The following UBXN7 variants were observed in gnomAD, a reference collection of about 807,000 sequenced individuals.
UBXN7 encodes the protein UBX domain protein 7.
A neutral mutation model predicts 58.0 loss-of-function variants in UBXN7; 9 were observed. The ratio of observed to expected loss-of-function variants is 0.16; its 90% confidence interval spans 0.09 to 0.27. The LOEUF is 0.27. UBXN7 is among the 10% of genes least tolerant of loss of function. The probability of loss-of-function intolerance (pLI) is 1.00; values close to 1 mark genes in which losing one functional copy is unlikely to be tolerated. For synonymous variants in UBXN7, 208 were observed against 205.0 expected (o/e 1.01, Z -0.12); for missense variants, 328 against 599.6 (o/e 0.55, Z 4.73).
intron 5 of UBXN7, among the ~76,000 whole-genome samples, chr3:196,388,883 T>C (rs1356939239): frequency 6.6e-6 from 1 of 152,158 alleles, no homozygotes; most frequent in African/African-American, 2.4e-5. Context: ...AATATTTATT[T>C]CATTTAAAGT....
rs557662029 is a variant in UBXN7, at chr3:196,417,125, A to G, written c.74-9732T>C. 3.2e-3 allele frequency among the ~76,000 whole-genome samples: 493 copies of G among 152,260 alleles called. 2 individuals carry two copies. Among genetic ancestry groups the G allele is most frequent in the African/African-American group, 0.011 (476 of 41,566 alleles). On this transcript the variant is annotated intron_variant, in intron 1 of 10. Transcript: ENST00000296328. Reference sequence around the variant, plus strand: ...TCAGGAGATCGAGACCATCCTGGCTAACACGGTGAAACCCCGTCTCTACTA... The same window carrying G: ...TCAGGAGATCGAGACCATCCTGGCTGACACGGTGAAACCCCGTCTCTACTA...
intron 6 of UBXN7, among the ~76,000 whole-genome samples, chr3:196,370,377 T>TAGGG (rs1321247246): frequency 6.7e-6 from 1 of 150,190 alleles, no homozygotes; most frequent in Admixed American, 6.7e-5. Flanking sequence ...CTTGAGCCTA[T>TAGGG]AGGGGTTAGA....
intron 1 of UBXN7, 138 bp downstream of exon 1, chr3:196,432,189 G>T: frequency 8.1e-7 from 1 of 1,234,586 alleles, no homozygotes; most frequent in Non-Finnish European, 1.2e-6. Flanking sequence ...CGCCGTCGTC[G>T]CCTCTTCCTC....
At chr3:196,373,116 T>C (rs1022825690) in intron 5 of UBXN7, among the ~76,000 whole-genome samples, 9 of 152,340 alleles carry the variant, frequency 5.9e-5, no homozygotes, top group African/African-American at 2.2e-4. Context: ...TCAACATCAT[T>C]TCTGGAACAT....
chr3:196,417,126 ACAC>A (rs1416981633), intron 1 of UBXN7, among the ~76,000 whole-genome samples: 1 of 152,140 alleles, frequency 6.6e-6, no homozygotes, highest in Non-Finnish European at 1.5e-5. Context: ...ATCCTGGCTA[ACAC>A]GGTGAAACCC....
intron 8 of UBXN7, among the ~76,000 whole-genome samples, chr3:196,366,460 G>GC (rs1728668631): frequency 1.4e-5 from 2 of 145,984 alleles, no homozygotes; most frequent in African/African-American, 5.0e-5. Flanking sequence ...AGGCTAGCAA[G>GC]TTTTTTTTTT....
intron 1 of UBXN7, among the ~76,000 whole-genome samples, chr3:196,417,684 C>T (rs1262744421): frequency 8.1e-6 from 1 of 123,762 alleles, no homozygotes; most frequent in Non-Finnish European, 1.6e-5. Context: ...AGACGGACTG[C>T]TTGAGCTCAC....
intron 5 of UBXN7, among the ~76,000 whole-genome samples, chr3:196,376,724 TAAAATGTGGG>T (rs1729039356): frequency 6.6e-6 from 1 of 152,018 alleles, no homozygotes; most frequent in Non-Finnish European, 1.5e-5. Flanking sequence ...GATACCAATT[TAAAATGTGGG>T]TTTTTTTTCC....
In UBXN7 at chr3:196,371,995, A is replaced by C. The variant is rs1342960687; in HGVS notation, c.516T>G (p.Ile172Met). Residue 172 changes from isoleucine (I) to methionine (M), a missense_variant, in exon 6 of 11, where the codon ATT becomes ATG. Physicochemically the swap from Ile to Met is conservative, Grantham distance 10. Around this residue, in one of 4 missense-constraint regions of UBXN7, gnomAD observed 126 missense variants for 302.6 expected, o/e 0.42. Transcript: ENST00000296328. ...QMQNKWLMINIQNVQDFACQC... is the reference protein window; with the variant it reads ...QMQNKWLMINMQNVQDFACQC... ...GACATGCAAAGTCTTGAACATTTTG[A>C]ATGTTTATCATCAGCCACTTATTTT... 1 of 1,612,936 alleles carries C rather than the reference A, an allele frequency of 6.2e-7. No homozygotes were observed. Among genetic ancestry groups the C allele is most frequent in the Non-Finnish European group, 8.5e-7 (1 of 1,179,740 alleles).
rs751882906 is a variant in UBXN7 at position 196,391,890 on chromosome 3, T to C, written c.391A>G (p.Ile131Val). The C allele has an allele frequency of 8.7e-6, 14 of 1,610,722 alleles. No homozygotes were observed. The highest frequency in any genetic ancestry group is 1.6e-4 in the Middle Eastern group (1 of 6,078). ...QEQELRNGGA[I>V]DKKLTTLADL... ...GCAAGGGTAGTTAATTTCTTATCGA[T>C]AGCTCCTCCATTTCTTAATTCTTGT... Residue 131 changes from isoleucine (I) to valine (V), a missense_variant, in exon 5 of 11, where the codon ATC (isoleucine) becomes GTC (valine). By Grantham distance (29) the Ile-to-Val change is conservative. This residue lies in a region of UBXN7 where 126 missense variants were observed against 302.6 expected (regional missense o/e 0.42). Coordinates refer to ENST00000296328, the MANE Select transcript of UBXN7 (RefSeq NM_015562.2).
At chr3:196,425,418 T>C (rs1164827772) in intron 1 of UBXN7, among the ~76,000 whole-genome samples, 1 of 152,056 alleles carries the variant, frequency 6.6e-6, no homozygotes, top group East Asian at 1.9e-4. Flanking sequence ...ATGTAACTCC[T>C]TTTTTAATAA....
intron 1 of UBXN7, chr3:196,414,593 C>G (rs2108620347): frequency 6.6e-6 from 1 of 152,272 alleles, no homozygotes; most frequent in South Asian, 2.1e-4. Context: ...TTTATAAAAC[C>G]CTATCTTTGC....
intron 2 of UBXN7, among the ~76,000 whole-genome samples, chr3:196,406,959 C>T (rs1285107703): frequency 6.6e-6 from 1 of 152,198 alleles, no homozygotes; most frequent in Non-Finnish European, 1.5e-5. Flanking sequence ...GGCACACAGG[C>T]CCTGCTGGCC....
At chr3:196,414,053 G>C (rs1397468431) in intron 1 of UBXN7, among the ~76,000 whole-genome samples, 2 of 152,026 alleles carry the variant, frequency 1.3e-5, no homozygotes, top group Non-Finnish European at 2.9e-5. Flanking sequence ...GCAGTGGTAC[G>C]ATCTCCGCTC....
At chr3:196,421,911 A>C (rs1284695025) in intron 1 of UBXN7, among the ~76,000 whole-genome samples, 1 of 152,144 alleles carries the variant, frequency 6.6e-6, no homozygotes, top group African/African-American at 2.4e-5. Flanking sequence ...CTTTAAAAAA[A>C]ACAATGGCCA....
chr3:196,356,956 AAT>A, intron 10 of UBXN7, 110 bp from the exon 11 acceptor site: 3 of 1,355,752 alleles, frequency 2.2e-6, no homozygotes, highest in Non-Finnish European at 3.0e-6. Flanking sequence ...TCAGCTATTA[AAT>A]GTAAGTTCTT....
intron 1 of UBXN7, among the ~76,000 whole-genome samples, chr3:196,426,114 T>C (rs2108627336): frequency 6.6e-6 from 1 of 152,274 alleles, no homozygotes; most frequent in East Asian, 1.9e-4. Flanking sequence ...CCAGGCATGG[T>C]GGCTCAAGCC....
chr3:196,356,447 T>TG lies in UBXN7; in HGVS notation c.*237dup, dbSNP rs1394185269. 4.1e-4 allele frequency: 159 copies of TG among 386,470 alleles called. 1 individual carries two copies. Among genetic ancestry groups the TG allele is most frequent in the Non-Finnish European group, 1.3e-4 (28 of 219,898 alleles). The allele number at this position is 386,470 out of a possible 1,614,324, so 23.9% of individuals were successfully genotyped here. A position where few individuals can be genotyped will look rare whatever the true frequency, so the allele number is the denominator to read the frequency against. ...CCAGATTAGGTAAGAAAGAAAAGTG[T>TG]GGGGGGAGGGGGAGGCAGAAGGGTA... is the stretch of plus-strand genomic sequence containing the variant. On this transcript the variant is annotated 3_prime_UTR_variant, in exon 11 of 11. Transcript: ENST00000296328.
chr3:196,351,461 T>G lies in UBXN7; in HGVS notation c.*5224A>C, dbSNP rs1728211049. The stretch of plus-strand genomic sequence containing the variant: ...AGTAAGATTAAGAGCAAGTTGTTGG[T>G]CAAATGATACCTGAACACAGAATAA... On this transcript the variant is annotated 3_prime_UTR_variant, in exon 11 of 11. Transcript: ENST00000296328. 1 of 150,936 alleles carries G rather than the reference T, an allele frequency of 6.6e-6. No homozygotes were observed. The highest frequency in any genetic ancestry group is 2.4e-5 in the African/African-American group (1 of 41,054). 9.3% of individuals were successfully genotyped at this position (150,936 alleles called of 1,614,324 possible).
Sources: gnomAD v4.1 joint callset for allele counts (sites outside exome capture counted in the v4.1 genomes callset) on GRCh38, gnomAD v4.1.1 for gene constraint, gnomAD v4.1.1 regional missense constraint, MANE v1.5 for transcripts, NCBI Gene and HGNC (gene_info 2026-07-23, HGNC 2026-07-21) for gene names.